The following GCNT1 variants were observed in gnomAD, a reference collection of about 807,000 sequenced individuals.
The protein encoded by GCNT1 is beta-1,3-galactosyl-O-glycosyl-glycoprotein beta-1,6-N-acetylglucosaminyltransferase.
A neutral mutation model predicts 26.2 loss-of-function variants in GCNT1; 16 were observed. The ratio of observed to expected loss-of-function variants is 0.61; its 90% CI spans 0.41 to 0.93. GCNT1 has a LOEUF of 0.93. Ranked by LOEUF, GCNT1 falls within the 40% of genes least tolerant of loss-of-function variation. The pLI, the probability that GCNT1 is intolerant of heterozygous loss-of-function variation, is 0.00. For missense variants in GCNT1, 477 were observed against 526.7 expected, an observed-to-expected ratio of 0.91 and a Z score of 0.92; for synonymous variants, 183 against 190.8, an observed-to-expected ratio of 0.96 and a Z score of 0.34.
At chr9:76,423,449 C>G in intron 1 of GCNT1, among the ~76,000 whole-genome samples, 1 of 152,202 alleles carries the variant, frequency 6.6e-6, no homozygotes, top group East Asian at 1.9e-4. Flanking sequence ...GATGCTGGCC[C>G]CATGACCTTG....
At chr9:76,407,619 TA>T in the GCNT1 span, among the ~76,000 whole-genome samples, 1 of 152,230 alleles carries the variant, frequency 6.6e-6, no homozygotes, top group Non-Finnish European at 1.5e-5. Context: ...TGTCTCCATA[TA>T]AACTTTAGAA....
At chr9:76,395,630 A>G in the GCNT1 span, among the ~76,000 whole-genome samples, 1 of 152,128 alleles carries the variant, frequency 6.6e-6, no homozygotes, top group African/African-American at 2.4e-5. Flanking sequence ...AGGGAAGGGA[A>G]AGGAAAGGGG....
intron 2 of GCNT1, among the ~76,000 whole-genome samples, chr9:76,485,555 C>T (rs1472375183): frequency 4.6e-5 from 7 of 152,210 alleles, no homozygotes; most frequent in Admixed American, 6.5e-5. Context: ...CATTAATTTA[C>T]AGCAGGGGTT....
At chr9:76,435,490 C>A (rs1823395889) in intron 1 of GCNT1, among the ~76,000 whole-genome samples, 1 of 152,164 alleles carries the variant, frequency 6.6e-6, no homozygotes, top group Non-Finnish European at 1.5e-5. Flanking sequence ...GAATTTATTT[C>A]TTCACAGTTC....
intron 2 of GCNT1, among the ~76,000 whole-genome samples, chr9:76,496,421 G>T (rs1459242062): frequency 6.6e-6 from 1 of 152,182 alleles, no homozygotes; most frequent in Non-Finnish European, 1.5e-5. Flanking sequence ...TTTCCCGCCT[G>T]TCAGCCTGGG....
At chr9:76,475,725 C>T (rs1824240429) in intron 2 of GCNT1, among the ~76,000 whole-genome samples, 1 of 152,124 alleles carries the variant, frequency 6.6e-6, no homozygotes, top group South Asian at 2.1e-4. Flanking sequence ...TGAGCATGTG[C>T]TGTGTGTACC....
intron 2 of GCNT1, among the ~76,000 whole-genome samples, chr9:76,489,137 GC>G (rs1200475192): frequency 6.6e-6 from 1 of 152,172 alleles, no homozygotes; most frequent in Non-Finnish European, 1.5e-5. Context: ...GCTTCTTACA[GC>G]ATGGAAGCTG....
the GCNT1 span, chr9:76,399,502 C>T: frequency 7.4e-5 from 117 of 1,590,742 alleles, no homozygotes; most frequent in South Asian, 2.3e-4. Context: ...AAGACTGGAG[C>T]GCTCAGCCTG....
rs755163820 is a variant in GCNT1, at chr9:76,503,409, ATCTG to A, written c.1033_1036del (p.Ser345ThrfsTer43). The A allele has an allele frequency of 8.1e-6, 13 of 1,614,014 alleles. No individual in the cohort carries two copies. The highest frequency in any genetic ancestry group is 1.0e-5 in the Non-Finnish European group (12 of 1,180,016). On this transcript the variant is annotated frameshift_variant, in exon 4 of 4. Transcript: ENST00000376730. LOFTEE classifies it high-confidence loss of function. ...TCACTCCCTGCCAGCCATAAGTATG[ATCTG>A]TCTGACATGCAAGCAGTTGCCAGGT...
At chr9:76,472,293 A>AT (rs1243892309) in intron 2 of GCNT1, among the ~76,000 whole-genome samples, 2 of 152,206 alleles carry the variant, frequency 1.3e-5, no homozygotes, top group Non-Finnish European at 2.9e-5. Flanking sequence ...AAAGAAAAAA[A>AT]GGAAATGAGA....
chr9:76,479,292 T>C (rs1824349060), intron 2 of GCNT1, among the ~76,000 whole-genome samples: 1 of 152,238 alleles, frequency 6.6e-6, no homozygotes, highest in Non-Finnish European at 1.5e-5. Context: ...GTCTTTGCTA[T>C]TGTGAATAGT....
chr9:76,501,906 G>A (rs543891511), intron 3 of GCNT1: 40 of 152,294 alleles, frequency 2.6e-4, no homozygotes, highest in African/African-American at 9.4e-4. Context: ...TCCAACTATG[G>A]TTTTGCACCT....
intron 2 of GCNT1, among the ~76,000 whole-genome samples, chr9:76,463,003 G>A (rs978312460): frequency 6.6e-5 from 10 of 152,236 alleles, no homozygotes; most frequent in South Asian, 2.1e-4. Flanking sequence ...GCAATAAAAC[G>A]AAGACTGCTG....
intron 1 of GCNT1, among the ~76,000 whole-genome samples, chr9:76,444,150 G>A (rs1823534838): frequency 6.6e-6 from 1 of 152,156 alleles, no homozygotes; most frequent in Admixed American, 6.6e-5. Context: ...TCCGGGAGAA[G>A]AAGATAAGGA....
upstream of GCNT1, among the ~76,000 whole-genome samples, chr9:76,416,919 G>C (rs551379218): frequency 1.3e-5 from 2 of 151,818 alleles, no homozygotes; most frequent in Non-Finnish European, 2.9e-5. Flanking sequence ...AATTAGCTGG[G>C]TGTGGTGGTG....
the GCNT1 span, among the ~76,000 whole-genome samples, chr9:76,414,782 T>C: frequency 6.6e-6 from 1 of 152,178 alleles, no homozygotes; most frequent in Non-Finnish European, 1.5e-5. Context: ...GTCACTTTCA[T>C]CTCCATCTTG....
chr9:76,396,411 G>C, the GCNT1 span, among the ~76,000 whole-genome samples: 1 of 150,882 alleles, frequency 6.6e-6, no homozygotes, highest in East Asian at 1.9e-4. Context: ...GCAAAATAGG[G>C]AGACTTCCGT....
chr9:76,501,576 A>G (rs1305453563), intron 3 of GCNT1, among the ~76,000 whole-genome samples: 2 of 152,236 alleles, frequency 1.3e-5, no homozygotes. Context: ...GGACTAACCC[A>G]ACACAGTCCC....
chr9:76,450,958 T>C (rs192285015), intron 1 of GCNT1, among the ~76,000 whole-genome samples: 3 of 152,358 alleles, frequency 2.0e-5, no homozygotes, highest in African/African-American at 7.2e-5. Context: ...TCAACCTGTT[T>C]CTTTTTAAAA....
Sources: allele counts gnomAD v4.1 joint callset (sites outside exome capture counted in the v4.1 genomes callset), GRCh38; gene constraint gnomAD v4.1.1; transcripts MANE v1.5; gene names NCBI Gene and HGNC (gene_info 2026-07-23, HGNC 2026-07-21).